DLGAP1: variants seen among roughly 807,000 people sequenced by gnomAD.
DLGAP1 encodes disks large-associated protein 1.
A neutral mutation model predicts 90.8 loss-of-function variants in DLGAP1; 11 were observed. That is an observed-to-expected ratio of 0.12 (90% CI 0.08 to 0.20). DLGAP1 has a LOEUF of 0.20. Among genes scored for constraint, DLGAP1 ranks in the 10% least tolerant of loss-of-function variants. The pLI is 1.00. For synonymous variants in DLGAP1, 558 were observed against 540.7 expected (o/e 1.03, Z -0.44); for missense variants, 1,050 against 1,333.8 (o/e 0.79, Z 3.31).
intron 5 of DLGAP1, among the ~76,000 whole-genome samples, chr18:3,747,579 G>A (rs1292198370): frequency 6.6e-6 from 1 of 152,202 alleles, no homozygotes; most frequent in African/African-American, 2.4e-5. Flanking sequence ...TCAGGGCAGT[G>A]ACGGGAGTGG....
rs9953250 is a variant in DLGAP1, at chr18:4,032,917, G to A, written c.-158-27716C>T. Among the ~76,000 whole-genome samples the A allele has an allele frequency of 5.3e-4, 81 of 152,232 alleles. 1 individual carries two copies. Among genetic ancestry groups the A allele is most frequent in the African/African-American group, 2.0e-3 (81 of 41,524 alleles). On this transcript the variant is annotated intron_variant, in intron 2 of 12. Transcript: ENST00000315677. ...ATCCACAGTGGCTGGGTCTTAGTTG[G>A]TGTTGGATAAGTAAATACACATTGA...
chr18:3,615,709 A>T (rs1329542729), intron 7 of DLGAP1, among the ~76,000 whole-genome samples: 1 of 152,180 alleles, frequency 6.6e-6, no homozygotes, highest in Non-Finnish European at 1.5e-5. Context: ...TCTGTAGGCA[A>T]CTGGAGACAC....
intron 1 of DLGAP1, among the ~76,000 whole-genome samples, chr18:4,315,240 A>T (rs1220014986): frequency 6.6e-6 from 1 of 152,198 alleles, no homozygotes; most frequent in East Asian, 1.9e-4. Context: ...ATATATTTAA[A>T]GTGCTTATAA....
intron 10 of DLGAP1, among the ~76,000 whole-genome samples, chr18:3,529,843 T>C (rs1305269218): frequency 6.6e-6 from 1 of 152,214 alleles, no homozygotes; most frequent in African/African-American, 2.4e-5. Context: ...GCAGTGTACA[T>C]TTCAAAATAC....
chr18:4,020,200 G>T (rs2074587128), intron 2 of DLGAP1, among the ~76,000 whole-genome samples: 2 of 152,228 alleles, frequency 1.3e-5, no homozygotes, highest in South Asian at 4.1e-4. Context: ...TGCTGGAGGG[G>T]TATTGTGAGG....
chr18:4,314,257 G>A (rs2080472632), intron 1 of DLGAP1, among the ~76,000 whole-genome samples: 1 of 152,156 alleles, frequency 6.6e-6, no homozygotes, highest in East Asian at 1.9e-4. Context: ...AACTTTGACT[G>A]GAGGACACCA....
intron 10 of DLGAP1, among the ~76,000 whole-genome samples, chr18:3,530,769 A>T (rs1474317594): frequency 6.6e-6 from 1 of 152,322 alleles, no homozygotes; most frequent in African/African-American, 2.4e-5. Flanking sequence ...AGTGGCACTA[A>T]CAGGGGCAAA....
At chr18:3,832,120 A>G (rs34361195) in intron 4 of DLGAP1, among the ~76,000 whole-genome samples, 19 of 152,208 alleles carry the variant, frequency 1.2e-4, no homozygotes, top group Non-Finnish European at 1.8e-4. Flanking sequence ...TTGCATATAG[A>G]AATAACCAGA....
Position 3,623,668 on chromosome 18 carries a change from T to G in DLGAP1, c.1592-41420A>C, listed in dbSNP as rs372163038. On this transcript the variant is annotated intron_variant, in intron 7 of 12. Coordinates refer to ENST00000315677, the MANE Select transcript of DLGAP1 (RefSeq NM_004746.4). ...GGCGCATGCCTGTAATCCCAGCTAC[T>G]CAGGAGCCTGAGGCAGGAGAATCGC... 6.7e-4 allele frequency among the ~76,000 whole-genome samples: 101 copies of G among 150,332 alleles called. 1 individual carries two copies. Among genetic ancestry groups the G allele is most frequent in the African/African-American group, 2.4e-3 (98 of 40,814 alleles).
intron 3 of DLGAP1, among the ~76,000 whole-genome samples, chr18:3,893,026 AC>A (rs565538137): frequency 4.9e-4 from 74 of 151,834 alleles, no homozygotes; most frequent in African/African-American, 1.5e-3. Flanking sequence ...TGTACATTGT[AC>A]CTATTAAGTA....
intron 4 of DLGAP1, among the ~76,000 whole-genome samples, chr18:3,863,063 T>G (rs1207064552): frequency 6.6e-6 from 1 of 152,276 alleles, no homozygotes; most frequent in Non-Finnish European, 1.5e-5. Context: ...CTTTCTGTGA[T>G]GACGGAAATG....
chr18:4,073,018 G>A (rs1007704951), intron 2 of DLGAP1, among the ~76,000 whole-genome samples: 2 of 152,176 alleles, frequency 1.3e-5, no homozygotes, highest in African/African-American at 4.8e-5. Context: ...CAGTGTGACT[G>A]CATGCAAGCT....
rs139873207 is a variant in DLGAP1, at chr18:4,176,169, C to T, written c.-266-24882G>A. On this transcript the variant is annotated intron_variant, in intron 1 of 12. Transcript: ENST00000315677. ...TCCCTTGCTAGCTTGGTATTTTATT[C>T]TCTTTATAGTGATTCACACTGATTA... is the stretch of plus-strand genomic sequence containing the variant. Among the ~76,000 whole-genome samples the T allele has an allele frequency of 5.8e-3, 882 of 152,118 alleles. 8 individuals are homozygous for T. The highest frequency in any genetic ancestry group is 0.02 in the African/African-American group (851 of 41,514).
intron 4 of DLGAP1, among the ~76,000 whole-genome samples, chr18:3,840,722 C>T (rs1029215724): frequency 1.3e-5 from 2 of 152,172 alleles, no homozygotes; most frequent in Non-Finnish European, 2.9e-5. Context: ...CTGTGCCAGG[C>T]ATTATTTTAT....
intron 1 of DLGAP1, among the ~76,000 whole-genome samples, chr18:4,345,923 G>C (rs979744869): frequency 6.6e-6 from 1 of 152,176 alleles, no homozygotes; most frequent in African/African-American, 2.4e-5. Context: ...AGTCTGCTTT[G>C]CAACACCTCC....
intron 1 of DLGAP1, among the ~76,000 whole-genome samples, chr18:4,290,540 G>C (rs1008653324): frequency 6.6e-6 from 1 of 152,170 alleles, no homozygotes; most frequent in Non-Finnish European, 1.5e-5. Context: ...GAAGGTTCAC[G>C]GTCACTGTCG....
intron 1 of DLGAP1, among the ~76,000 whole-genome samples, chr18:4,168,567 C>G (rs74409274): frequency 0.017 from 2,612 of 152,190 alleles, 86 homozygotes; most frequent in African/African-American, 0.06. Flanking sequence ...CCCCTTCTCC[C>G]TAGTCCTTGG....
intron 7 of DLGAP1, among the ~76,000 whole-genome samples, chr18:3,610,467 C>G (rs940855527): frequency 1.3e-5 from 2 of 152,158 alleles, no homozygotes; most frequent in African/African-American, 4.8e-5. Context: ...CTCACCTTCC[C>G]TCTCCCCTCC....
chr18:3,561,243 C>T (rs1344915606), intron 9 of DLGAP1, among the ~76,000 whole-genome samples: 1 of 139,396 alleles, frequency 7.2e-6, no homozygotes, highest in Non-Finnish European at 1.5e-5. Context: ...TGGTGAAACA[C>T]CGTCTCTACT....
Sources: gnomAD v4.1 joint callset for allele counts (sites outside exome capture counted in the v4.1 genomes callset) on GRCh38, gnomAD v4.1.1 for gene constraint, MANE v1.5 for transcripts, NCBI Gene and HGNC (gene_info 2026-07-23, HGNC 2026-07-21) for gene names.